Variants in EFCAB13 observed in about 807,000 individuals in gnomAD.
EFCAB13 encodes EF-hand calcium binding domain 13.
Under a neutral mutation model 110.2 loss-of-function variants are expected in EFCAB13, and 91 were observed. The ratio of observed to expected loss-of-function variants is 0.83; its 90% CI spans 0.70 to 0.98. The LOEUF (loss-of-function observed/expected upper bound fraction) is 0.98. Among genes scored for constraint, EFCAB13 ranks in the 50% least tolerant of loss-of-function variants. The pLI, the probability that EFCAB13 is intolerant of heterozygous loss-of-function variation, is 0.00. For missense variants in EFCAB13, 968 were observed against 1,119.4 expected (o/e 0.86, Z 1.93); for synonymous variants, 323 against 369.9 (o/e 0.87, Z 1.45).
chr17:47,344,778 G>C (rs1228109418), intron 7 of EFCAB13, among the ~76,000 whole-genome samples: 1 of 152,116 alleles, frequency 6.6e-6, no homozygotes, highest in Non-Finnish European at 1.5e-5. Context: ...CACAGTCGAA[G>C]GATAGTAGGT....
chr17:47,351,151 A>G (rs560139226), intron 9 of EFCAB13, among the ~76,000 whole-genome samples: 1 of 152,286 alleles, frequency 6.6e-6, no homozygotes, highest in African/African-American at 2.4e-5. Context: ...TTTGGCTCCT[A>G]CCTATAAATG....
At chr17:47,340,631 C>G (rs768183941) in intron 5 of EFCAB13, among the ~76,000 whole-genome samples, 11 of 151,934 alleles carry the variant, frequency 7.2e-5, no homozygotes, top group African/African-American at 2.4e-5. Context: ...GAGACAGAGT[C>G]TTGCCCTGTC....
chr17:47,399,547 G>A (rs979487506), intron 17 of EFCAB13, among the ~76,000 whole-genome samples: 16 of 151,798 alleles, frequency 1.1e-4, no homozygotes, highest in Admixed American at 5.3e-4. Flanking sequence ...ATGACCAAGT[G>A]AACTGCTGAA....
At chr17:47,377,415 G>A (rs944468747) in intron 12 of EFCAB13, among the ~76,000 whole-genome samples, 1 of 152,086 alleles carries the variant, frequency 6.6e-6, no homozygotes, top group African/African-American at 2.4e-5. Context: ...ACCTGCCTTG[G>A]CTTCCCGAAG....
rs560661406 is a variant in EFCAB13 at position 47,326,105 on chromosome 17, C to G, written c.-247-121C>G. On this transcript the variant is annotated intron_variant, in intron 2 of 24. Transcript: ENST00000331493. Reference sequence around the variant, plus strand: ...CTGGAGAAAAGGGATACGACTCCCTCCATTTCTCTTGATTTGTTCCTGCAA... The same window carrying G: ...CTGGAGAAAAGGGATACGACTCCCTGCATTTCTCTTGATTTGTTCCTGCAA... 304 of 151,848 alleles carry G rather than the reference C, an allele frequency of 2.0e-3. 2 individuals carry two copies. Among genetic ancestry groups the G allele is most frequent in the African/African-American group, 7.2e-3 (300 of 41,420 alleles). The allele number at this position is 151,848 out of a possible 1,614,324, so 9.4% of individuals were successfully genotyped here.
In EFCAB13 at chr17:47,395,978, G is replaced by A; in HGVS notation, c.1945+1G>A. The A allele has an allele frequency of 6.3e-7, 1 of 1,589,940 alleles. No homozygotes were observed. Among genetic ancestry groups the A allele is most frequent in the Non-Finnish European group, 8.5e-7 (1 of 1,170,898 alleles). ...GCATTGGAACTAGTGACAGTTGATG[G>A]TGAGTGTTACAAATACTAAAATTAA... On this transcript the variant is annotated splice_donor_variant, in intron 17 of 24. Transcript: ENST00000331493. LOFTEE classifies it high-confidence loss of function.
chr17:47,403,250 CTT>C (rs1465606055), intron 18 of EFCAB13, among the ~76,000 whole-genome samples: 1 of 152,122 alleles, frequency 6.6e-6, no homozygotes, highest in Non-Finnish European at 1.5e-5. Context: ...CTAATGCTAT[CTT>C]AAGTACTTTT....
chr17:47,385,987 C>T (rs1006008260), intron 14 of EFCAB13, among the ~76,000 whole-genome samples: 2 of 152,158 alleles, frequency 1.3e-5, no homozygotes, highest in African/African-American at 2.4e-5. Context: ...TGCTGTTGCT[C>T]CTTCTTCTGG....
At chr17:47,368,494 G>C (rs547390050) in intron 10 of EFCAB13, among the ~76,000 whole-genome samples, 2 of 152,336 alleles carry the variant, frequency 1.3e-5, no homozygotes, top group Non-Finnish European at 2.9e-5. Flanking sequence ...CCAGGTGGTA[G>C]AATATAGTGA....
chr17:47,390,361 C>G (rs188173008), intron 14 of EFCAB13, among the ~76,000 whole-genome samples: 63 of 149,624 alleles, frequency 4.2e-4, no homozygotes, highest in African/African-American at 1.1e-3. Context: ...CTCTCTCTCT[C>G]TGTGTTTTTT....
chr17:47,411,267 A>C (rs1420169809), intron 21 of EFCAB13, among the ~76,000 whole-genome samples: 1 of 152,188 alleles, frequency 6.6e-6, no homozygotes, highest in Non-Finnish European at 1.5e-5. Context: ...CTGTAGTCAT[A>C]CTACTTAGCA....
At chr17:47,414,705 T>G in intron 22 of EFCAB13, 143 bp from the exon 23 acceptor site, 1 of 646,806 alleles carries the variant, frequency 1.5e-6, no homozygotes, top group Non-Finnish European at 2.8e-6. Flanking sequence ...TGTTAAAAGT[T>G]CTATTGAAAT....
intron 24 of EFCAB13, chr17:47,430,175 G>A: frequency 8.6e-7 from 1 of 1,165,248 alleles, no homozygotes; most frequent in African/African-American, 1.6e-5. Context: ...CCCTGTGTGA[G>A]TCCACTGACA....
intron 24 of EFCAB13, among the ~76,000 whole-genome samples, chr17:47,439,987 C>T (rs1905286835): frequency 1.3e-5 from 2 of 151,800 alleles, no homozygotes; most frequent in Non-Finnish European, 2.9e-5. Flanking sequence ...TTTACTTATA[C>T]TTTAACACAT....
intron 9 of EFCAB13, among the ~76,000 whole-genome samples, chr17:47,352,970 T>G (rs1339407443): frequency 6.6e-6 from 1 of 152,192 alleles, no homozygotes; most frequent in Non-Finnish European, 1.5e-5. Context: ...ATCTCAGGGT[T>G]TTTTGGGAGG....
chr17:47,421,072 C>T (rs1049774131), intron 23 of EFCAB13, among the ~76,000 whole-genome samples: 9 of 151,566 alleles, frequency 5.9e-5, no homozygotes, highest in African/African-American at 1.7e-4. Context: ...AGGTGAGGGG[C>T]GCCTCTGCCC....
At chr17:47,397,210 C>T (rs530585662) in intron 17 of EFCAB13, among the ~76,000 whole-genome samples, 2 of 152,210 alleles carry the variant, frequency 1.3e-5, no homozygotes, top group South Asian at 2.1e-4. Context: ...GACGGGGTTT[C>T]GCTGTGTTGG....
intron 9 of EFCAB13, among the ~76,000 whole-genome samples, chr17:47,353,538 C>T (rs528730028): frequency 2.7e-4 from 41 of 152,180 alleles, no homozygotes; most frequent in African/African-American, 7.2e-4. Context: ...TCAAGTGATC[C>T]GCCTGCCTTG....
intron 17 of EFCAB13, among the ~76,000 whole-genome samples, chr17:47,401,141 GAATAGTTCC>G (rs1305483595): frequency 1.3e-5 from 2 of 152,214 alleles, no homozygotes; most frequent in Non-Finnish European, 2.9e-5. Context: ...TTACTCTAGA[GAATAGTTCC>G]TAAAAGTTCA....
Sources: gnomAD v4.1 joint callset for allele counts (sites outside exome capture counted in the v4.1 genomes callset) on GRCh38, gnomAD v4.1.1 for gene constraint, MANE v1.5 for transcripts, NCBI Gene and HGNC (gene_info 2026-07-23, HGNC 2026-07-21) for gene names.